Variants in INTU observed in about 807,000 individuals in gnomAD.
INTU encodes protein inturned.
A neutral mutation model predicts 100.5 loss-of-function variants in INTU; 68 were observed. That is an observed-to-expected ratio of 0.68 (90% CI 0.56 to 0.83). The LOEUF (loss-of-function observed/expected upper bound fraction) is 0.83. Among genes scored for constraint, INTU ranks in the 40% least tolerant of loss-of-function variants. INTU has a pLI of 0.00. For missense variants in INTU, 1,071 were observed against 1,114.7 expected (o/e 0.96, Z 0.56); for synonymous variants, 357 against 395.7 (o/e 0.90, Z 1.16).
At chr4:127,699,103 G>A (rs1213950666) in intron 8 of INTU, among the ~76,000 whole-genome samples, 2 of 151,968 alleles carry the variant, frequency 1.3e-5, no homozygotes, top group African/African-American at 4.8e-5. Context: ...TCTGGGAGGC[G>A]GATTGCAGTG....
intron 8 of INTU, among the ~76,000 whole-genome samples, chr4:127,699,644 G>A (rs1015958164): frequency 2.6e-5 from 4 of 152,136 alleles, no homozygotes; most frequent in African/African-American, 9.7e-5. Context: ...GAAATCAAAA[G>A]GGTTAAATTA....
At chr4:127,691,980 A>ATATG in intron 8 of INTU, among the ~76,000 whole-genome samples, 1 of 143,416 alleles carries the variant, frequency 7.0e-6, no homozygotes, top group African/African-American at 2.6e-5. Context: ...ATATATATAT[A>ATATG]TGTCACATTT....
At chr4:127,642,202 A>G (rs1727365314) in intron 1 of INTU, among the ~76,000 whole-genome samples, 1 of 152,212 alleles carries the variant, frequency 6.6e-6, no homozygotes. Flanking sequence ...GTGGGTACAG[A>G]TAGGTATTGT....
Position 127,720,293 on chromosome 4 carries a change from AG to A in INTU, c.*3858del, listed in dbSNP as rs1731326707. On this transcript the variant is annotated 3_prime_UTR_variant, in exon 16 of 16. Transcript: ENST00000335251. Reference sequence around the variant, plus strand: ...ATTTCCACGTAGTTTTGTGGTTTTGAGTGACTTTCTTACTCTTGAGTTCCAA... The same window carrying A: ...ATTTCCACGTAGTTTTGTGGTTTTGATGACTTTCTTACTCTTGAGTTCCAA... The A allele has an allele frequency of 6.6e-6, 1 of 152,142 alleles. No individual in the cohort carries two copies. Among genetic ancestry groups the A allele is most frequent in the African/African-American group, 2.4e-5 (1 of 41,438 alleles). The allele number at this position is 152,142 out of a possible 1,614,324, so 9.4% of individuals were successfully genotyped here. A position where few individuals can be genotyped will look rare whatever the true frequency, so the allele number is the denominator to read the frequency against.
At chr4:127,716,205 C>A (rs924729524) in intron 15 of INTU, 120 bp from the exon 16 acceptor site, 1 of 513,914 alleles carries the variant, frequency 1.9e-6, no homozygotes, top group Non-Finnish European at 3.5e-6. Context: ...GATTTAGATT[C>A]ATGGATTTTA....
chr4:127,682,015 A>G (rs1578594641), intron 6 of INTU, among the ~76,000 whole-genome samples: 1 of 150,910 alleles, frequency 6.6e-6, no homozygotes, highest in East Asian at 1.9e-4. Flanking sequence ...GCTCATCATC[A>G]CTGGCCATCA....
At chr4:127,677,865 T>A (rs543979795) in intron 6 of INTU, among the ~76,000 whole-genome samples, 6,017 of 152,054 alleles carry the variant, frequency 0.04, 343 homozygotes, top group African/African-American at 0.13. Context: ...AAAATTTAGA[T>A]GAATGTATAA....
At chr4:127,711,617 C>G (rs549382293) in intron 14 of INTU, among the ~76,000 whole-genome samples, 1 of 152,288 alleles carries the variant, frequency 6.6e-6, no homozygotes, top group Non-Finnish European at 1.5e-5. Context: ...GCCTTACTGC[C>G]TGAGCTCTGC....
intron 2 of INTU, among the ~76,000 whole-genome samples, chr4:127,651,010 T>A (rs1166490777): frequency 6.6e-6 from 1 of 152,242 alleles, no homozygotes; most frequent in African/African-American, 2.4e-5. Flanking sequence ...GCTGCATAAA[T>A]GTCATCTTTT....
At chr4:127,670,678 T>C (rs541834204) in intron 5 of INTU, among the ~76,000 whole-genome samples, 1 of 151,912 alleles carries the variant, frequency 6.6e-6, no homozygotes, top group African/African-American at 2.4e-5. Context: ...AGAACAAAAC[T>C]TGGAGGCATC....
At chr4:127,657,214 T>C (rs1327146934) in intron 3 of INTU, among the ~76,000 whole-genome samples, 1 of 152,208 alleles carries the variant, frequency 6.6e-6, no homozygotes, top group African/African-American at 2.4e-5. Context: ...CTTAAGGAAT[T>C]ATTTTTCAAT....
At chr4:127,705,546 C>A (rs1373308543) in intron 10 of INTU, 45 bp from the exon 11 acceptor site, 1 of 1,405,458 alleles carries the variant, frequency 7.1e-7, no homozygotes, top group South Asian at 1.2e-5. Flanking sequence ...GGGACTATTG[C>A]TTTATATCAC....
chr4:127,682,282 C>CACACG (rs1164881514), intron 6 of INTU, among the ~76,000 whole-genome samples: 2 of 152,030 alleles, frequency 1.3e-5, no homozygotes, highest in Non-Finnish European at 2.9e-5. Flanking sequence ...ATAAATCATG[C>CACACG]TGCTATAAAG....
intron 2 of INTU, among the ~76,000 whole-genome samples, chr4:127,654,663 CT>C (rs1179100200): frequency 4.3e-4 from 64 of 149,516 alleles, no homozygotes; most frequent in African/African-American, 1.4e-3. Flanking sequence ...ACATTTTTTC[CT>C]TCATTTCAAC....
At chr4:127,699,585 A>G (rs997735020) in intron 8 of INTU, among the ~76,000 whole-genome samples, 3 of 152,252 alleles carry the variant, frequency 2.0e-5, no homozygotes, top group African/African-American at 7.2e-5. Context: ...AATCGAGAAC[A>G]ACTCAAAATA....
At chr4:127,675,729 G>C (rs1729144901) in intron 6 of INTU, among the ~76,000 whole-genome samples, 1 of 152,132 alleles carries the variant, frequency 6.6e-6, no homozygotes, top group Admixed American at 6.6e-5. Context: ...CTTGCCACAT[G>C]GACCTCTCCA....
chr4:127,649,007 A>T (rs1044141931), intron 2 of INTU, among the ~76,000 whole-genome samples: 2 of 152,134 alleles, frequency 1.3e-5, no homozygotes, highest in Non-Finnish European at 2.9e-5. Context: ...AAGCCTTCAC[A>T]GTTGGCCTAA....
At chr4:127,689,193 A>G (rs1373374490) in intron 8 of INTU, among the ~76,000 whole-genome samples, 1 of 151,346 alleles carries the variant, frequency 6.6e-6, no homozygotes, top group Non-Finnish European at 1.5e-5. Flanking sequence ...CATGTTTCCC[A>G]GGCTGGTCTC....
intron 13 of INTU, among the ~76,000 whole-genome samples, chr4:127,709,112 G>A (rs767573018): frequency 3.3e-5 from 5 of 152,128 alleles, no homozygotes; most frequent in African/African-American, 1.2e-4. Flanking sequence ...TGTCCTACAC[G>A]GAAACTTGTT....
Sources: gnomAD v4.1 joint callset for allele counts (sites outside exome capture counted in the v4.1 genomes callset) on GRCh38, gnomAD v4.1.1 for gene constraint, MANE v1.5 for transcripts, NCBI Gene and HGNC (gene_info 2026-07-23, HGNC 2026-07-21) for gene names.